Variants in TACR3 observed in about 807,000 individuals in gnomAD.
The protein encoded by TACR3 is neuromedin-K receptor.
TACR3 carries 34 observed loss-of-function variants against 35.0 expected under a neutral mutation model. The ratio of observed to expected loss-of-function variants is 0.97; its 90% CI spans 0.74 to 1.30. TACR3 has a LOEUF of 1.30. Ranked by LOEUF, TACR3 falls within the 50% of genes most tolerant of loss-of-function variation. The pLI, the probability that TACR3 is intolerant of heterozygous loss-of-function variation, is 0.00. For missense variants in TACR3, 558 were observed against 591.7 expected (o/e 0.94, Z 0.59); for synonymous variants, 233 against 221.1 (o/e 1.05, Z -0.48).
chr4:103,701,327 G>C (rs1449353407), intron 1 of TACR3, among the ~76,000 whole-genome samples: 26 of 151,614 alleles, frequency 1.7e-4, no homozygotes, highest in Admixed American at 1.4e-3. Flanking sequence ...AAATACCTAG[G>C]AATCCAACTT....
rs560258816 is a variant in TACR3 at position 103,719,068 on chromosome 4, C to T, written c.548+60G>A. ...TACTATTTCCTTTGTAATCTTATCC[C>T]ACCGCCCAGTTCTTTTCTTTCCCTT... On this transcript the variant is annotated intron_variant, in intron 1 of 4. Coordinates refer to ENST00000304883, the MANE Select transcript of TACR3 (RefSeq NM_001059.3). 6 of 1,604,496 alleles carry T rather than the reference C, an allele frequency of 3.7e-6. No homozygotes were observed. The Admixed American group carries it at 6.7e-5, about 18-fold the overall frequency.
chr4:103,688,127 G>T (rs181928164), intron 1 of TACR3, among the ~76,000 whole-genome samples: 88 of 152,250 alleles, frequency 5.8e-4, no homozygotes, highest in Non-Finnish European at 9.9e-4. Flanking sequence ...TGACAAACTT[G>T]AGAAAAACAA....
At chr4:103,593,115 T>C (rs1165417752) in intron 3 of TACR3, among the ~76,000 whole-genome samples, 6 of 152,244 alleles carry the variant, frequency 3.9e-5, no homozygotes, top group Non-Finnish European at 7.3e-5. Context: ...ATAATTCATA[T>C]ATTTGTGAAA....
chr4:103,630,013 T>C (rs1279906873), intron 3 of TACR3, among the ~76,000 whole-genome samples: 1 of 152,020 alleles, frequency 6.6e-6, no homozygotes, highest in Non-Finnish European at 1.5e-5. Context: ...TGGTACAGAA[T>C]AGAGCCCTCA....
chr4:103,661,529 G>A (rs965434401), intron 1 of TACR3, among the ~76,000 whole-genome samples: 2 of 152,108 alleles, frequency 1.3e-5, no homozygotes, highest in Non-Finnish European at 2.9e-5. Context: ...TTTTCTGAGA[G>A]TAAAGGGAGA....
intron 3 of TACR3, among the ~76,000 whole-genome samples, chr4:103,607,240 G>T (rs137985808): frequency 6.6e-6 from 1 of 151,986 alleles, no homozygotes; most frequent in Non-Finnish European, 1.5e-5. Context: ...GTTTCTTTTA[G>T]TCCATATCAT....
chr4:103,674,352 AGAGT>A (rs1560526319), intron 1 of TACR3, among the ~76,000 whole-genome samples: 1 of 151,984 alleles, frequency 6.6e-6, no homozygotes, highest in Non-Finnish European at 1.5e-5. Flanking sequence ...GTCCTCAGGA[AGAGT>A]GAGTAACCAT....
intron 1 of TACR3, among the ~76,000 whole-genome samples, chr4:103,661,184 T>G (rs141576647): frequency 1.3e-5 from 2 of 151,964 alleles, no homozygotes; most frequent in South Asian, 4.1e-4. Context: ...GTGTTATATG[T>G]GTGTGTGTGT....
chr4:103,615,070 T>G (rs940130249), intron 3 of TACR3, among the ~76,000 whole-genome samples: 102 of 151,910 alleles, frequency 6.7e-4, no homozygotes, highest in African/African-American at 2.4e-3. Context: ...AATTTTTTTG[T>G]ATTTTTTAGT....
intron 1 of TACR3, among the ~76,000 whole-genome samples, chr4:103,680,470 T>C (rs1309130560): frequency 1.1e-5 from 1 of 87,720 alleles, no homozygotes; most frequent in Non-Finnish European, 1.9e-5. Flanking sequence ...GATTAAGTGA[T>C]ATATATATAT....
chr4:103,683,190 GT>G (rs1346946403), intron 1 of TACR3, among the ~76,000 whole-genome samples: 1 of 151,936 alleles, frequency 6.6e-6, no homozygotes, highest in Non-Finnish European at 1.5e-5. Flanking sequence ...TAAAAAACCT[GT>G]GGGATTCAAC....
intron 3 of TACR3, among the ~76,000 whole-genome samples, chr4:103,655,820 C>G (rs1272910345): frequency 1.3e-5 from 2 of 151,940 alleles, no homozygotes; most frequent in East Asian, 1.9e-4. Context: ...ATAAAAGAAG[C>G]CTTGAGCAGA....
chr4:103,636,256 A>T (rs985729718), intron 3 of TACR3, among the ~76,000 whole-genome samples: 1 of 151,948 alleles, frequency 6.6e-6, no homozygotes, highest in Non-Finnish European at 1.5e-5. Flanking sequence ...GAACTAAAAA[A>T]CACAAAATAC....
chr4:103,683,194 G>A (rs1252960116), intron 1 of TACR3, among the ~76,000 whole-genome samples: 2 of 151,824 alleles, frequency 1.3e-5, no homozygotes, highest in African/African-American at 4.8e-5. Flanking sequence ...AAACCTGTGG[G>A]ATTCAACTAA....
At chr4:103,601,788 A>G (rs1184403831) in intron 3 of TACR3, among the ~76,000 whole-genome samples, 3 of 152,174 alleles carry the variant, frequency 2.0e-5, no homozygotes, top group Non-Finnish European at 4.4e-5. Context: ...TTTGTGGGTA[A>G]CCTGACCTTT....
At chr4:103,639,755 A>G (rs1478822363) in intron 3 of TACR3, among the ~76,000 whole-genome samples, 1 of 151,956 alleles carries the variant, frequency 6.6e-6, no homozygotes, top group Non-Finnish European at 1.5e-5. Flanking sequence ...TCCTGACTCT[A>G]TTGTTAAATA....
At chr4:103,679,254 G>A (rs560078440) in intron 1 of TACR3, among the ~76,000 whole-genome samples, 31 of 151,954 alleles carry the variant, frequency 2.0e-4, no homozygotes, top group South Asian at 4.1e-4. Flanking sequence ...TCTTCTCTTC[G>A]AAAACAGTAA....
chr4:103,699,729 G>C (rs768000511), intron 1 of TACR3, among the ~76,000 whole-genome samples: 2 of 152,148 alleles, frequency 1.3e-5, no homozygotes, highest in Non-Finnish European at 2.9e-5. Flanking sequence ...ATGTATGAAA[G>C]ATGAGATGAG....
At chr4:103,699,237 T>C (rs1259062849) in intron 1 of TACR3, among the ~76,000 whole-genome samples, 2 of 152,150 alleles carry the variant, frequency 1.3e-5, no homozygotes, top group African/African-American at 4.8e-5. Context: ...AGAAGCAGTA[T>C]AGGGAATGAA....
Sources: gnomAD v4.1 joint callset for allele counts (sites outside exome capture counted in the v4.1 genomes callset) on GRCh38, gnomAD v4.1.1 for gene constraint, MANE v1.5 for transcripts, NCBI Gene and HGNC (gene_info 2026-07-23, HGNC 2026-07-21) for gene names.